Variants in CIITA observed in about 807,000 individuals in gnomAD.
The protein encoded by CIITA is class II major histocompatibility complex transactivator.
Under a neutral mutation model 115.1 loss-of-function variants are expected in CIITA, and 72 were observed. The ratio of observed to expected loss-of-function variants is 0.63; its 90% CI spans 0.52 to 0.76. The LOEUF is 0.76. Among genes scored for constraint, CIITA ranks in the 30% least tolerant of loss-of-function variants. CIITA has a pLI of 0.00. For missense variants in CIITA, 1,617 were observed against 1,463.8 expected (o/e 1.10, Z -1.71); for synonymous variants, 763 against 635.6 (o/e 1.20, Z -3.02).
chr16:10,915,787 A>T, intron 14 of CIITA, 137 bp downstream of exon 14: 1 of 798,794 alleles, frequency 1.3e-6, no homozygotes. Flanking sequence ...CCACAGGTGC[A>T]TGCTACAGTG....
chr16:10,904,008 T>C (rs1284066233), intron 9 of CIITA, 113 bp downstream of exon 9: 1 of 1,410,704 alleles, frequency 7.1e-7, no homozygotes, highest in African/African-American at 1.4e-5. Flanking sequence ...CAACAGGTCA[T>C]GTTTAGGGGT....
rs927130930 is a variant in CIITA at position 10,941,588 on chromosome 16, G to C, written n.714G>C. On this transcript the variant is annotated non_coding_transcript_exon_variant, in exon 2 of 2. Transcript: ENST00000573379. This position sits in a 1 kb window ranked among gnomAD's most constrained non-coding sequence, Gnocchi z 6.4. Reference sequence around the variant, plus strand: ...ACTTACAGGCCTCGGAGGCAGGGGAGGGTCTCCTCCTGGGGAACCATCCCC... The same window carrying C: ...ACTTACAGGCCTCGGAGGCAGGGGACGGTCTCCTCCTGGGGAACCATCCCC... 6 of 1,467,542 alleles carry C rather than the reference G, an allele frequency of 4.1e-6. No homozygotes were observed. The highest frequency in any genetic ancestry group is 1.4e-5 in the African/African-American group (1 of 70,872). 90.9% of individuals were successfully genotyped at this position (1,467,542 alleles called of 1,614,324 possible).
At chr16:10,893,711 A>G (rs1366954871) in intron 1 of CIITA, among the ~76,000 whole-genome samples, 4 of 146,096 alleles carry the variant, frequency 2.7e-5, no homozygotes, top group Non-Finnish European at 6.0e-5. Context: ...CAGGAGGCTG[A>G]GGCAGAAGAA....
At position 10,936,283 on chromosome 16, in the gene CIITA, T is replaced by C. The variant is rs1247407871; in HGVS notation, c.*12428T>C. ...ATAAAGTTGTAGATGAGATTGGTCA[T>C]AGGATTGTATAGTGTATCAATATTA... On this transcript the variant is annotated 3_prime_UTR_variant, in exon 20 of 20. Coordinates refer to ENST00000324288, the MANE Select transcript of CIITA (RefSeq NM_000246.4). 6.6e-6 allele frequency: 1 copy of C among 152,198 alleles called. No individual in the cohort carries two copies. The highest frequency in any genetic ancestry group is 2.4e-5 in the African/African-American group (1 of 41,442). The allele number at this position is 152,198 out of a possible 1,614,324, so 9.4% of individuals were successfully genotyped here.
Position 10,906,780 on chromosome 16 carries a change from G to A in CIITA, c.1288G>A (p.Ala430Thr). 2 of 1,611,648 alleles carry A rather than the reference G, an allele frequency of 1.2e-6. No individual in the cohort carries two copies. The highest frequency in any genetic ancestry group is 1.7e-6 in the Non-Finnish European group (2 of 1,180,002). ...AGCTGGTCAGGGCAAGAGCTATTGG[G>A]CTGGGGCAGTGAGCCGGGCCTGGGC... ...GKAGQGKSYW[A>T]GAVSRAWACG... The change falls in exon 11 of 20, where the codon GCT (alanine) becomes ACT (threonine). Residue 430 changes from alanine to threonine, a missense_variant. Transcript: ENST00000324288.
Position 10,923,161 on chromosome 16 carries a change from C to T in CIITA, c.3318-67C>T. Reference sequence around the variant, plus strand: ...GGTGGAAGGAGGGATTTGGGGGCAGCTGTCACTGGGGCCCCAGGCCGCCCT... The same window carrying T: ...GGTGGAAGGAGGGATTTGGGGGCAGTTGTCACTGGGGCCCCAGGCCGCCCT... On this transcript the variant is annotated intron_variant, in intron 18 of 19. Coordinates refer to ENST00000324288, the MANE Select transcript of CIITA (RefSeq NM_000246.4). The surrounding 1 kb of genome is among the most constrained non-coding windows in gnomAD (Gnocchi z 5.2). The T allele has an allele frequency of 7.4e-7, 1 of 1,359,364 alleles. No homozygotes were observed. The allele number at this position is 1,359,364 out of a possible 1,614,324, so 84.2% of individuals were successfully genotyped here.
At chr16:10,922,815 A>T (rs2040346783) in intron 18 of CIITA, 7 of 515,920 alleles carry the variant, frequency 1.4e-5, no homozygotes, top group Non-Finnish European at 2.5e-5. Context: ...TGACCTGTAA[A>T]ATTGGCAATT....
In CIITA at chr16:10,907,513, C is replaced by A. The variant is rs780339009; in HGVS notation, c.2021C>A (p.Thr674Asn). Residue 674 changes from threonine to asparagine, a missense_variant, in exon 11 of 20, where the codon ACC becomes AAC. Physicochemically the swap from Thr to Asn is moderately conservative, Grantham distance 65 (BLOSUM62 0). Transcript: ENST00000324288. This position sits in a 1 kb window ranked among gnomAD's most constrained non-coding sequence, Gnocchi z 5.0. ...AWELGRRHQS[T>N]LQEDQFPSAD... ...GAGCTGGGCCGCAGACATCAAAGTACCCTACAGGAGGACCAGTTCCCATCC... is the reference window on the plus strand; with the variant it reads ...GAGCTGGGCCGCAGACATCAAAGTAACCTACAGGAGGACCAGTTCCCATCC... 5 of 1,613,948 alleles carry A rather than the reference C, an allele frequency of 3.1e-6. No individual in the cohort carries two copies. In the African/African-American group the frequency reaches 6.7e-5, roughly 22 times the overall value.
At chr16:10,883,607 C>A (rs2036635040) in intron 1 of CIITA, among the ~76,000 whole-genome samples, 1 of 152,186 alleles carries the variant, frequency 6.6e-6, no homozygotes, top group African/African-American at 2.4e-5. Context: ...GAGGGGGCAT[C>A]TGTGGTGTCT....
intron 15 of CIITA, among the ~76,000 whole-genome samples, chr16:10,917,199 A>T (rs1037408242): frequency 6.6e-6 from 1 of 152,186 alleles, no homozygotes; most frequent in African/African-American, 2.4e-5. Flanking sequence ...TTTTTCAGAC[A>T]AGGTCTCGCT....
At position 10,917,866 on chromosome 16, in the gene CIITA, T is replaced by C. The variant is rs185614046; in HGVS notation, c.3063-574T>C. On this transcript the variant is annotated intron_variant, in intron 15 of 19. Transcript: ENST00000324288. ...CAAGGTCTTAGGATGGCCAAATAAT[T>C]TACCGGAATTTACTTAGCAATTTCC... is the stretch of plus-strand genomic sequence containing the variant. 5.9e-5 allele frequency among the ~76,000 whole-genome samples: 9 copies of C among 152,214 alleles called. No homozygotes were observed. The East Asian group carries it at 1.7e-3, about 29-fold the overall frequency.
At position 10,900,696 on chromosome 16, in the gene CIITA, C is replaced by T. The variant is rs144038742; in HGVS notation, c.437-818C>T. ...CAGAGGTTGCAGTGAGCCAAGATTG[C>T]GCCAGTGCACTCCAGCCTGGGCAAC... is the stretch of plus-strand genomic sequence containing the variant. On this transcript the variant is annotated intron_variant, in intron 5 of 19. Coordinates refer to ENST00000324288, the MANE Select transcript of CIITA (RefSeq NM_000246.4). Among the ~76,000 whole-genome samples, 511 of 151,414 alleles carry T rather than the reference C, an allele frequency of 3.4e-3. 3 individuals are homozygous for T. Among genetic ancestry groups the T allele is most frequent in the African/African-American group, 0.011 (470 of 41,202 alleles).
chr16:10,880,338 C>G (rs980387649), intron 1 of CIITA, among the ~76,000 whole-genome samples: 5 of 152,214 alleles, frequency 3.3e-5, no homozygotes, highest in Admixed American at 2.6e-4. Context: ...GTTAAACCAT[C>G]TATCCCAGGT....
chr16:10,895,243 A>T, intron 1 of CIITA, 39 bp from the exon 2 acceptor site: 4 of 1,612,056 alleles, frequency 2.5e-6, no homozygotes, highest in Non-Finnish European at 2.5e-6. Flanking sequence ...CCTCTTTCCA[A>T]CACCCTGTGA....
At chr16:10,903,597 T>C in intron 8 of CIITA, 134 bp from the exon 9 acceptor site, 2 of 948,800 alleles carry the variant, frequency 2.1e-6, no homozygotes, top group Non-Finnish European at 3.4e-6. Context: ...CTGAAATATC[T>C]TCCTTTGGAA....
At chr16:10,872,502 T>C (rs1047515847), upstream of CIITA, among the ~76,000 whole-genome samples, 1 of 152,248 alleles carries the variant, frequency 6.6e-6, no homozygotes, top group African/African-American at 2.4e-5. Context: ...TACACTTATT[T>C]ACTCATGTCT....
Position 10,901,411 on chromosome 16 carries a change from C to A in CIITA, c.437-103C>A. ...GGAAAATGGACCCCCAAGACCACTA[C>A]CCAGCCTTGAAGTTAAGGCCGTATA... On this transcript the variant is annotated intron_variant, in intron 5 of 19. Coordinates refer to ENST00000324288, the MANE Select transcript of CIITA (RefSeq NM_000246.4). This position sits in a 1 kb window ranked among gnomAD's most constrained non-coding sequence, Gnocchi z 6.8. The A allele has an allele frequency of 7.9e-7, 1 of 1,262,466 alleles. No homozygotes were observed. The highest frequency in any genetic ancestry group is 1.1e-6 in the Non-Finnish European group (1 of 870,022). The allele number at this position is 1,262,466 out of a possible 1,614,324, so 78.2% of individuals were successfully genotyped here. A position where few individuals can be genotyped will look rare whatever the true frequency, so the allele number is the denominator to read the frequency against.
At chr16:10,921,677 G>A (rs2145135354) in intron 16 of CIITA, among the ~76,000 whole-genome samples, 1 of 152,350 alleles carries the variant, frequency 6.6e-6, no homozygotes, top group Non-Finnish European at 1.5e-5. Context: ...AAGTTGTTCT[G>A]ACAGTTTCCA....
At chr16:10,877,419 A>T (rs767503974) in intron 1 of CIITA, 37 bp downstream of exon 1, 21 of 1,594,194 alleles carry the variant, frequency 1.3e-5, no homozygotes, top group Non-Finnish European at 1.7e-5. Flanking sequence ...TTTAGCGTGC[A>T]GTCTCAGCTG....
Sources: gnomAD v4.1 joint callset for allele counts (sites outside exome capture counted in the v4.1 genomes callset) on GRCh38, gnomAD v4.1.1 for gene constraint, Gnocchi (gnomAD v3.1) non-coding constraint, MANE v1.5 for transcripts, NCBI Gene and HGNC (gene_info 2026-07-23, HGNC 2026-07-21) for gene names.